The following UBXN7 variants were observed in gnomAD, a reference collection of about 807,000 sequenced individuals.
The protein encoded by UBXN7 is UBX domain-containing protein 7.
UBXN7 carries 9 observed loss-of-function variants against 58.0 expected under a neutral mutation model. The ratio of observed to expected loss-of-function variants is 0.16; its 90% CI spans 0.09 to 0.27. UBXN7 has a LOEUF of 0.27. UBXN7 is among the 10% of genes least tolerant of loss of function. UBXN7 has a pLI of 1.00. For synonymous variants in UBXN7, 208 were observed against 205.0 expected (o/e 1.01, Z -0.12); for missense variants, 328 against 599.6 (o/e 0.55, Z 4.73).
intron 5 of UBXN7, among the ~76,000 whole-genome samples, chr3:196,384,533 T>C (rs969214086): frequency 5.3e-5 from 8 of 152,190 alleles, no homozygotes; most frequent in East Asian, 3.9e-4. Flanking sequence ...CTGATGAACA[T>C]TGATGCGAAA....
chr3:196,385,705 G>A (rs1169434851), intron 5 of UBXN7, among the ~76,000 whole-genome samples: 1 of 151,620 alleles, frequency 6.6e-6, no homozygotes, highest in South Asian at 2.1e-4. Flanking sequence ...GCCCCGTCTG[G>A]GAAGTGAGGA....
At chr3:196,432,270 A>C (rs1452162848) in intron 1 of UBXN7, 57 bp downstream of exon 1, 25 of 1,604,904 alleles carry the variant, frequency 1.6e-5, no homozygotes, top group Non-Finnish European at 2.0e-5. Context: ...AGCCCGGGGC[A>C]GACCCGCTGC....
intron 1 of UBXN7, among the ~76,000 whole-genome samples, chr3:196,427,010 C>T (rs747705560): frequency 9.9e-5 from 15 of 152,118 alleles, no homozygotes; most frequent in Non-Finnish European, 2.2e-4. Context: ...ATGTTATTGC[C>T]GCTATGCACA....
At chr3:196,376,601 A>G (rs1162828170) in intron 5 of UBXN7, among the ~76,000 whole-genome samples, 1 of 151,560 alleles carries the variant, frequency 6.6e-6, no homozygotes, top group Non-Finnish European at 1.5e-5. Flanking sequence ...ATTAGTTACT[A>G]ACTAGGCTCT....
chr3:196,363,700 G>A (rs1162540949), intron 8 of UBXN7, among the ~76,000 whole-genome samples: 7 of 152,178 alleles, frequency 4.6e-5, no homozygotes, highest in Admixed American at 2.6e-4. Flanking sequence ...GGCTTGAGGC[G>A]GGCAGATCAC....
intron 10 of UBXN7, among the ~76,000 whole-genome samples, chr3:196,359,043 C>T (rs952083939): frequency 2.6e-5 from 4 of 152,280 alleles, no homozygotes; most frequent in Admixed American, 2.6e-4. Context: ...CGAGAAAATG[C>T]TTCCAACGCC....
At chr3:196,377,406 A>C (rs1045728564) in intron 5 of UBXN7, among the ~76,000 whole-genome samples, 1 of 152,110 alleles carries the variant, frequency 6.6e-6, no homozygotes, top group Non-Finnish European at 1.5e-5. Flanking sequence ...GTTTCTATTC[A>C]TATCTCATCC....
At chr3:196,360,213 G>C (rs116657235) in intron 10 of UBXN7, among the ~76,000 whole-genome samples, 25 of 152,348 alleles carry the variant, frequency 1.6e-4, no homozygotes, top group African/African-American at 5.8e-4. Flanking sequence ...AACTTATCTA[G>C]AAGATGTAGT....
chr3:196,380,323 T>A (rs1050360319), intron 5 of UBXN7, among the ~76,000 whole-genome samples: 4 of 151,372 alleles, frequency 2.6e-5, no homozygotes, highest in African/African-American at 9.7e-5. Flanking sequence ...GAGCCTTCCA[T>A]GCTGTTTAGT....
intron 5 of UBXN7, among the ~76,000 whole-genome samples, chr3:196,377,061 A>AG (rs1242872697): frequency 4.6e-5 from 7 of 152,014 alleles, no homozygotes; most frequent in African/African-American, 1.7e-4. Flanking sequence ...AAAAAAAAAA[A>AG]AGGAAGAAAT....
At chr3:196,423,162 T>C (rs1353517289) in intron 1 of UBXN7, among the ~76,000 whole-genome samples, 1 of 152,228 alleles carries the variant, frequency 6.6e-6, no homozygotes, top group Non-Finnish European at 1.5e-5. Context: ...GCGGGGCCAG[T>C]CACCACCTGG....
intron 1 of UBXN7, among the ~76,000 whole-genome samples, chr3:196,418,728 G>A (rs1207700833): frequency 1.3e-5 from 2 of 152,148 alleles, no homozygotes; most frequent in Non-Finnish European, 2.9e-5. Context: ...CAGGTCTATA[G>A]AGCTAAACAT....
intron 10 of UBXN7, among the ~76,000 whole-genome samples, chr3:196,357,074 TAC>T (rs1386448547): frequency 6.6e-6 from 1 of 152,230 alleles, no homozygotes; most frequent in African/African-American, 2.4e-5. Context: ...GATACTGAAA[TAC>T]ACAGTTATTA....
intron 5 of UBXN7, among the ~76,000 whole-genome samples, chr3:196,374,483 A>G (rs1323860618): frequency 6.6e-6 from 1 of 152,174 alleles, no homozygotes; most frequent in Non-Finnish European, 1.5e-5. Context: ...CTTGGAAATG[A>G]TACTAACCAC....
intron 10 of UBXN7, among the ~76,000 whole-genome samples, chr3:196,358,140 T>C (rs939461633): frequency 6.6e-6 from 1 of 152,156 alleles, no homozygotes; most frequent in African/African-American, 2.4e-5. Flanking sequence ...ATGAACCACG[T>C]GCGAGCTGAG....
chr3:196,405,024 T>A (rs1730116835), intron 2 of UBXN7, among the ~76,000 whole-genome samples: 1 of 152,124 alleles, frequency 6.6e-6, no homozygotes, highest in Non-Finnish European at 1.5e-5. Flanking sequence ...TGTGGTGGCA[T>A]GCGCCTATAG....
At chr3:196,383,494 C>T (rs1027819090) in intron 5 of UBXN7, among the ~76,000 whole-genome samples, 5 of 152,188 alleles carry the variant, frequency 3.3e-5, no homozygotes, top group African/African-American at 1.2e-4. Flanking sequence ...ACAGAATATA[C>T]ATTTCTTCTC....
At position 196,409,813 on chromosome 3, in the gene UBXN7, T is replaced by C. The variant is rs547647590; in HGVS notation, c.74-2420A>G. Among the ~76,000 whole-genome samples the C allele has an allele frequency of 6.8e-4, 104 of 152,272 alleles. No homozygotes were observed. The Middle Eastern group carries it at 0.014, about 20-fold the overall frequency. On this transcript the variant is annotated intron_variant, in intron 1 of 10. Transcript: ENST00000296328. ...AGCTTTCTTTCCTGTGACCCATGAGTCTACCAAAAGGGAAGTTCAAAGCCA... is the reference window on the plus strand; with the variant it reads ...AGCTTTCTTTCCTGTGACCCATGAGCCTACCAAAAGGGAAGTTCAAAGCCA...
In UBXN7 at chr3:196,355,272, CGACT is replaced by C. The variant is rs1728313945; in HGVS notation, c.*1409_*1412del. The C allele has an allele frequency of 6.6e-6, 1 of 152,168 alleles. No individual in the cohort carries two copies. The highest frequency in any genetic ancestry group is 1.5e-5 in the Non-Finnish European group (1 of 68,032). 9.4% of individuals were successfully genotyped at this position (152,168 alleles called of 1,614,324 possible). ...AGTTCTAGTTTTGCCACCAGAATCACGACTACCCCCCCTTCAGAGGACTCCATTT... is the reference window on the plus strand; with the variant it reads ...AGTTCTAGTTTTGCCACCAGAATCACACCCCCCCTTCAGAGGACTCCATTT... On this transcript the variant is annotated 3_prime_UTR_variant, in exon 11 of 11. Transcript: ENST00000296328.
Sources: gnomAD v4.1 joint callset for allele counts (sites outside exome capture counted in the v4.1 genomes callset) on GRCh38, gnomAD v4.1.1 for gene constraint, MANE v1.5 for transcripts, NCBI Gene and HGNC (gene_info 2026-07-23, HGNC 2026-07-21) for gene names.